The following ZSCAN25 variants were observed in gnomAD, a reference collection of about 807,000 sequenced individuals.
ZSCAN25 encodes zinc finger and SCAN domain-containing protein 25.
Under a neutral mutation model 38.7 loss-of-function variants are expected in ZSCAN25, and 27 were observed. The ratio of observed to expected loss-of-function variants is 0.70; its 90% CI spans 0.51 to 0.96. ZSCAN25 has a LOEUF of 0.96. Ranked by LOEUF, ZSCAN25 falls within the 40% of genes least tolerant of loss-of-function variation. ZSCAN25 has a pLI of 0.00. For missense variants in ZSCAN25, 637 were observed against 705.9 expected, an observed-to-expected ratio of 0.90 and a Z score of 1.11; for synonymous variants, 273 against 277.7, an observed-to-expected ratio of 0.98 and a Z score of 0.17.
chr7:99,736,995 G>A, the ZSCAN25 span, among the ~76,000 whole-genome samples: 6 of 152,294 alleles, frequency 3.9e-5, no homozygotes, highest in Non-Finnish European at 8.8e-5. Flanking sequence ...CCTACAGAGA[G>A]GTACCTAAGA....
the ZSCAN25 span, among the ~76,000 whole-genome samples, chr7:99,722,993 A>T: frequency 4.0e-5 from 6 of 151,664 alleles, no homozygotes; most frequent in Non-Finnish European, 5.9e-5. Context: ...GAGACAGAAA[A>T]TTATGACACT....
the ZSCAN25 span, among the ~76,000 whole-genome samples, chr7:99,703,525 CGT>C: frequency 6.6e-6 from 1 of 152,144 alleles, no homozygotes; most frequent in Admixed American, 6.5e-5. Context: ...ATATATCTAT[CGT>C]ATATCTGTTA....
the ZSCAN25 span, among the ~76,000 whole-genome samples, chr7:99,665,812 C>G: frequency 7.2e-4 from 110 of 152,326 alleles, no homozygotes; most frequent in African/African-American, 2.5e-3. Context: ...CCTTTATTCT[C>G]TACACTCCCT....
the ZSCAN25 span, among the ~76,000 whole-genome samples, chr7:99,729,481 T>C: frequency 6.6e-6 from 1 of 152,158 alleles, no homozygotes; most frequent in South Asian, 2.1e-4. Flanking sequence ...TTTTGTTTTA[T>C]TTTTCTTAAT....
the ZSCAN25 span, among the ~76,000 whole-genome samples, chr7:99,706,901 A>G: frequency 0.75 from 113,968 of 152,204 alleles, 46,296 homozygotes; most frequent in Non-Finnish European, 0.91. Flanking sequence ...TAAAATGAGA[A>G]GATATTGTTA....
At chr7:99,715,522 G>T in the ZSCAN25 span, 4 of 597,054 alleles carry the variant, frequency 6.7e-6, no homozygotes, top group Non-Finnish European at 1.1e-5. Flanking sequence ...TTGACTAGTG[G>T]TTATATACGA....
At chr7:99,654,302 A>G in the ZSCAN25 span, among the ~76,000 whole-genome samples, 1 of 152,026 alleles carries the variant, frequency 6.6e-6, no homozygotes, top group Non-Finnish European at 1.5e-5. Context: ...TCATTGTTCA[A>G]TTCCCACCTA....
rs1188726901 is a variant in ZSCAN25 at position 99,629,963 on chromosome 7, G to A, written c.1578G>A (p.Arg526=). The A allele has an allele frequency of 6.2e-7, 1 of 1,610,254 alleles. No homozygotes were observed. Among genetic ancestry groups the A allele is most frequent in the Non-Finnish European group, 8.5e-7 (1 of 1,177,982 alleles). Residue 526 remains arginine (R), a synonymous_variant, in exon 8 of 8, where the codon AGG becomes AGA. Coordinates refer to ENST00000394152, the MANE Select transcript of ZSCAN25 (RefSeq NM_145115.3). The surrounding 1 kb of genome is among the most constrained non-coding windows in gnomAD (Gnocchi z 5.6). Reference sequence around the variant, plus strand: ...CCTGCGGGCGAAGCTTCAACCAGAGGTCCATCCTCAACCGGCACCAGAAGA... The same window carrying A: ...CCTGCGGGCGAAGCTTCAACCAGAGATCCATCCTCAACCGGCACCAGAAGA... ...CPACGRSFNQ[R]SILNRHQKTQ...
chr7:99,620,037 A>G (rs747425919), intron 4 of ZSCAN25, 44 bp downstream of exon 4: 52 of 1,547,658 alleles, frequency 3.4e-5, no homozygotes, highest in Non-Finnish European at 4.2e-5. Flanking sequence ...TGGCGTGGGC[A>G]GGGAATGTTA....
the ZSCAN25 span, chr7:99,638,470 A>G: frequency 6.5e-7 from 1 of 1,536,146 alleles, no homozygotes; most frequent in Non-Finnish European, 9.0e-7. Flanking sequence ...AGCTCCTGGC[A>G]AGCCTCATCG....
the ZSCAN25 span, among the ~76,000 whole-genome samples, chr7:99,704,535 C>G: frequency 1.3e-5 from 2 of 152,112 alleles, no homozygotes; most frequent in Non-Finnish European, 2.9e-5. Context: ...AGATGATCTG[C>G]CTGCCTTGGC....
At chr7:99,703,421 T>C in the ZSCAN25 span, among the ~76,000 whole-genome samples, 1 of 152,194 alleles carries the variant, frequency 6.6e-6, no homozygotes, top group East Asian at 1.9e-4. Flanking sequence ...TATTGAAATG[T>C]CATTGTTACC....
chr7:99,664,146 T>C, the ZSCAN25 span: 1 of 1,392,874 alleles, frequency 7.2e-7, no homozygotes, highest in African/African-American at 1.5e-5. Flanking sequence ...ATGCAAACTT[T>C]ACCTGGAGCA....
chr7:99,634,829 G>A (rs997990990), downstream of ZSCAN25, among the ~76,000 whole-genome samples: 1 of 151,480 alleles, frequency 6.6e-6, no homozygotes, highest in Non-Finnish European at 1.5e-5. Context: ...AGCCAAGCGT[G>A]GTGGCAGGCG....
At chr7:99,701,201 A>G in the ZSCAN25 span, among the ~76,000 whole-genome samples, 3 of 152,220 alleles carry the variant, frequency 2.0e-5, no homozygotes, top group Non-Finnish European at 4.4e-5. Context: ...AGAACATGCA[A>G]TGTCTGTCTT....
the ZSCAN25 span, chr7:99,652,412 A>T: frequency 6.0e-5 from 36 of 598,444 alleles, 1 homozygote; most frequent in South Asian, 9.6e-4. Flanking sequence ...GTAAAGTTTG[A>T]TAATTATCAC....
rs1808007208 is a variant in ZSCAN25 at position 99,631,657 on chromosome 7, G to A, written c.*1637G>A. The A allele has an allele frequency of 2.0e-6, 2 of 985,054 alleles. No individual in the cohort carries two copies. The highest frequency in any genetic ancestry group is 6.2e-5 in the Admixed American group (1 of 16,230). 61.0% of individuals were successfully genotyped at this position (985,054 alleles called of 1,614,324 possible). A position where few individuals can be genotyped will look rare whatever the true frequency, so the allele number is the denominator to read the frequency against. On this transcript the variant is annotated 3_prime_UTR_variant, in exon 8 of 8. Transcript: ENST00000394152. ...TTTTCCATTGTAAATAAGGTAAATGGTAATGACTAACACAAAGCTGTATTA... is the reference window on the plus strand; with the variant it reads ...TTTTCCATTGTAAATAAGGTAAATGATAATGACTAACACAAAGCTGTATTA...
chr7:99,634,842 TGAG>T (rs1285125296), downstream of ZSCAN25, among the ~76,000 whole-genome samples: 4 of 152,080 alleles, frequency 2.6e-5, no homozygotes, highest in African/African-American at 9.6e-5. Flanking sequence ...GGCAGGCGCC[TGAG>T]GCAGGAGAAT....
At chr7:99,672,380 C>T in the ZSCAN25 span, among the ~76,000 whole-genome samples, 1 of 151,878 alleles carries the variant, frequency 6.6e-6, no homozygotes, top group African/African-American at 2.4e-5. Context: ...TTTGTGCCAA[C>T]CTGATAATAT....
Sources: gnomAD v4.1 joint callset for allele counts (sites outside exome capture counted in the v4.1 genomes callset) on GRCh38, gnomAD v4.1.1 for gene constraint, Gnocchi (gnomAD v3.1) non-coding constraint, MANE v1.5 for transcripts, NCBI Gene and HGNC (gene_info 2026-07-23, HGNC 2026-07-21) for gene names.